GFPT2: variants seen among roughly 807,000 people sequenced by gnomAD.
GFPT2 encodes the protein glutamine--fructose-6-phosphate aminotransferase [isomerizing] 2.
Under a neutral mutation model 85.6 loss-of-function variants are expected in GFPT2, and 62 were observed. That is an observed-to-expected ratio of 0.72 (90% CI 0.59 to 0.90). GFPT2 has a LOEUF of 0.90. GFPT2 is among the 40% of genes least tolerant of loss of function. GFPT2 has a pLI of 0.00. For synonymous variants in GFPT2, 368 were observed against 344.5 expected (o/e 1.07, Z -0.75); for missense variants, 788 against 893.4 (o/e 0.88, Z 1.50).
At chr5:180,343,697 T>A (rs1468133723) in intron 1 of GFPT2, among the ~76,000 whole-genome samples, 2 of 152,234 alleles carry the variant, frequency 1.3e-5, no homozygotes, top group Non-Finnish European at 1.5e-5. Flanking sequence ...AAACACAGAA[T>A]AAAATGAAGC....
In GFPT2 at chr5:180,353,303, TCCGTGG is replaced by T. The variant is rs1764755753; in HGVS notation, c.-92_-87del. 4 of 973,818 alleles carry T rather than the reference TCCGTGG, an allele frequency of 4.1e-6. No individual in the cohort carries two copies. The highest frequency in any genetic ancestry group is 5.3e-6 in the Non-Finnish European group (4 of 750,556). 60.3% of individuals were successfully genotyped at this position (973,818 alleles called of 1,614,324 possible). The stretch of plus-strand genomic sequence containing the variant: ...CTCCTCCGTGGGCTCCTCCGTGGGC[TCCGTGG>T]GCTCCGTGGGCTCCGCGGGCTCCAG... On this transcript the variant is annotated 5_prime_UTR_variant, in exon 1 of 19. Coordinates refer to ENST00000253778, the MANE Select transcript of GFPT2 (RefSeq NM_005110.4).
At chr5:180,307,344 C>G in intron 15 of GFPT2, 41 bp from the exon 16 acceptor site, 2 of 1,608,442 alleles carry the variant, frequency 1.2e-6, no homozygotes, top group East Asian at 4.5e-5. Context: ...CCAGTCAGGC[C>G]GACTTTAAAG....
intron 1 of GFPT2, among the ~76,000 whole-genome samples, chr5:180,338,990 A>G (rs1764457689): frequency 6.6e-6 from 1 of 152,222 alleles, no homozygotes; most frequent in South Asian, 2.1e-4. Context: ...GGAGTGCCAT[A>G]GAAAGGGACA....
At chr5:180,331,663 C>A in intron 4 of GFPT2, 110 bp from the exon 5 acceptor site, 1 of 725,036 alleles carries the variant, frequency 1.4e-6, no homozygotes, top group Non-Finnish European at 2.5e-6. Flanking sequence ...GGCCTCAAGA[C>A]TTCTGTTAAG....
At chr5:180,332,235 T>G (rs1021913310) in intron 4 of GFPT2, among the ~76,000 whole-genome samples, 27 of 62,224 alleles carry the variant, frequency 4.3e-4, no homozygotes, top group South Asian at 1.4e-3. Flanking sequence ...GGCGGGGAGG[T>G]GGCGGGGGGG....
intron 9 of GFPT2, among the ~76,000 whole-genome samples, chr5:180,321,848 A>G (rs1764128897): frequency 1.3e-5 from 2 of 152,178 alleles, no homozygotes; most frequent in South Asian, 4.1e-4. Context: ...CAGTGGCGCG[A>G]TCTCGGCTCA....
intron 9 of GFPT2, 71 bp from the exon 10 acceptor site, chr5:180,319,027 T>G: frequency 6.8e-7 from 1 of 1,470,338 alleles, no homozygotes; most frequent in South Asian, 1.2e-5. Flanking sequence ...CCCTTGCTGG[T>G]TCCCAAGCGT....
chr5:180,347,076 G>A (rs1339659787), intron 1 of GFPT2, among the ~76,000 whole-genome samples: 1 of 152,218 alleles, frequency 6.6e-6, no homozygotes, highest in Admixed American at 6.5e-5. Flanking sequence ...GCCAGGTGGG[G>A]GATGCTGAGC....
Position 180,317,006 on chromosome 5 carries a change from A to G in GFPT2, c.1011T>C (p.Val337=), listed in dbSNP as rs753897993. 9.9e-6 allele frequency: 16 copies of G among 1,612,520 alleles called. 1 individual carries two copies. The South Asian group carries it at 1.6e-4, about 17-fold the overall frequency. The part of the protein sequence containing the change: ...QKEIFEQPES[V]FNTMRGRVNF... ...TCACCCGACCTCTCATAGTATTGAA[A>G]ACTGATTCTGGCTGTTCGAAGATCT... Residue 337 remains valine, a synonymous_variant, in exon 11 of 19, where the codon GTT becomes GTC. Transcript: ENST00000253778.
Position 180,328,320 on chromosome 5 carries a change from C to T in GFPT2, c.553G>A (p.Val185Ile), listed in dbSNP as rs747780417. The change falls in exon 7 of 19, where the codon GTT (valine) becomes ATT (isoleucine). Residue 185 changes from valine (V) to isoleucine (I), a missense_variant. Physicochemically the swap from Val to Ile is conservative, Grantham distance 29. Coordinates refer to ENST00000253778, the MANE Select transcript of GFPT2 (RefSeq NM_005110.4). This position sits in a 1 kb window ranked among gnomAD's most constrained non-coding sequence, Gnocchi z 5.4. ...CCTGGGTAGTGGACACTCTTGAAAACCAGCGCGAATGCACCTTCCTGAAAA... is the reference window on the plus strand; with the variant it reads ...CCTGGGTAGTGGACACTCTTGAAAATCAGCGCGAATGCACCTTCCTGAAAA... The part of the protein sequence containing the change: ...IQQLEGAFAL[V>I]FKSVHYPGEA... 1 of 1,613,504 alleles carries T rather than the reference C, an allele frequency of 6.2e-7. No homozygotes were observed. Among genetic ancestry groups the T allele is most frequent in the East Asian group, 2.2e-5 (1 of 44,878 alleles).
intron 1 of GFPT2, among the ~76,000 whole-genome samples, chr5:180,346,713 C>A (rs1764616199): frequency 1.3e-5 from 2 of 152,218 alleles, no homozygotes; most frequent in Admixed American, 1.3e-4. Flanking sequence ...CCTTCTCCAA[C>A]CCCCTACCCC....
In GFPT2 at chr5:180,309,631, C is replaced by T. The variant is rs181727558; in HGVS notation, c.1547-2328G>A. On this transcript the variant is annotated intron_variant, in intron 15 of 18. Transcript: ENST00000253778. ...TTCACTGCGTTGGTCAGGCTGGTCTCGAACTCCTGACCTCAGGTGATCCGC... is the reference window on the plus strand; with the variant it reads ...TTCACTGCGTTGGTCAGGCTGGTCTTGAACTCCTGACCTCAGGTGATCCGC... Among the ~76,000 whole-genome samples the T allele has an allele frequency of 8.8e-3, 1,330 of 151,900 alleles. 16 individuals carry two copies. The highest frequency in any genetic ancestry group is 0.031 in the African/African-American group (1,268 of 41,398).
intron 15 of GFPT2, among the ~76,000 whole-genome samples, chr5:180,311,101 A>G (rs888926): frequency 0.66 from 100,165 of 152,040 alleles, 33,221 homozygotes; most frequent in East Asian, 0.74. Flanking sequence ...ATTCTCTATG[A>G]TGGCCCTTCC....
chr5:180,321,446 G>T (rs894271875), intron 9 of GFPT2, among the ~76,000 whole-genome samples: 19 of 152,226 alleles, frequency 1.2e-4, no homozygotes, highest in Non-Finnish European at 1.9e-4. Context: ...TCTGTCACTT[G>T]CCAGACCTGT....
Position 180,338,499 on chromosome 5 carries a change from A to C in GFPT2, c.109T>G (p.Ser37Ala). 3 of 1,594,052 alleles carry C rather than the reference A, an allele frequency of 1.9e-6. No individual in the cohort carries two copies. The highest frequency in any genetic ancestry group is 2.6e-6 in the Non-Finnish European group (3 of 1,162,798). Residue 37 changes from serine to alanine, a missense_variant, in exon 2 of 19, where the codon TCG becomes GCG. Physicochemically the swap from Ser to Ala is moderately conservative, Grantham distance 99. Transcript: ENST00000253778. Reference sequence around the variant, plus strand: ...CGGGCGGCCGCACACCCACCTGCCGAGTCGTAGCCTCTGTACTCCAGCCGC... The same window carrying C: ...CGGGCGGCCGCACACCCACCTGCCGCGTCGTAGCCTCTGTACTCCAGCCGC... ...LQRLEYRGYD[S>A]AGVAIDGNNH... is the part of the protein sequence containing the mutation.
intron 2 of GFPT2, among the ~76,000 whole-genome samples, chr5:180,337,369 C>T (rs1048925749): frequency 3.3e-5 from 5 of 150,396 alleles, no homozygotes; most frequent in Middle Eastern, 3.2e-3. Context: ...AGAAGAATGG[C>T]GTGAACCCAG....
intron 15 of GFPT2, among the ~76,000 whole-genome samples, chr5:180,309,724 C>G (rs1292242656): frequency 6.6e-6 from 1 of 151,760 alleles, no homozygotes; most frequent in African/African-American, 2.4e-5. Flanking sequence ...AGTAGAAAGG[C>G]GCTACGTGTA....
At chr5:180,302,680 G>A (rs907665781) in intron 17 of GFPT2, 96 bp from the exon 18 acceptor site, 24 of 931,006 alleles carry the variant, frequency 2.6e-5, no homozygotes, top group Non-Finnish European at 3.4e-5. Context: ...ACTGTGATGA[G>A]AACAGTCCTC....
chr5:180,326,886 TC>T (rs1251687818), intron 7 of GFPT2, among the ~76,000 whole-genome samples: 1 of 152,208 alleles, frequency 6.6e-6, no homozygotes, highest in Admixed American at 6.5e-5. Context: ...CTTTATTGCT[TC>T]TTCACGCTGC....
Sources: allele counts gnomAD v4.1 joint callset (sites outside exome capture counted in the v4.1 genomes callset), GRCh38; gene constraint gnomAD v4.1.1; non-coding constraint Gnocchi (gnomAD v3.1); transcripts MANE v1.5; gene names NCBI Gene and HGNC (gene_info 2026-07-23, HGNC 2026-07-21).